Variants in PSG5 observed in about 807,000 individuals in gnomAD.
PSG5 encodes the protein pregnancy-specific beta-1-glycoprotein 5.
A neutral mutation model predicts 37.7 loss-of-function variants in PSG5; 53 were observed. The ratio of observed to expected loss-of-function variants is 1.41; its 90% CI spans 1.13 to 1.77. The LOEUF (loss-of-function observed/expected upper bound fraction) is 1.77, where lower values mean the gene tolerates loss of function less well. Ranked by LOEUF, PSG5 falls within the 40% of genes most tolerant of loss-of-function variation. The pLI is 0.00. For synonymous variants in PSG5, 221 were observed against 155.4 expected (o/e 1.42, Z -3.14); for missense variants, 547 against 405.2 (o/e 1.35, Z -3.00).
chr19:43,184,649 A>C, intron 2 of PSG5, 133 bp downstream of exon 2: 1 of 1,527,094 alleles, frequency 6.5e-7, no homozygotes, highest in Admixed American at 1.7e-5. Context: ...GTCCTGCACT[A>C]AATGCCCAAA....
intron 4 of PSG5, 106 bp from the exon 5 acceptor site, chr19:43,170,244 A>G: frequency 1.9e-6 from 2 of 1,053,102 alleles, no homozygotes; most frequent in East Asian, 3.2e-5. Flanking sequence ...TTGTTTCTTC[A>G]AGTACTACAT....
intron 3 of PSG5, 189 bp downstream of exon 3, chr19:43,175,681 C>G (rs1487161924): frequency 7.1e-7 from 1 of 1,399,772 alleles, no homozygotes; most frequent in African/African-American, 1.5e-5. Flanking sequence ...CAAGAGCGCC[C>G]CCTCCCCTTA....
At chr19:43,177,015 G>A (rs1029103938) in intron 2 of PSG5, among the ~76,000 whole-genome samples, 1 of 151,734 alleles carries the variant, frequency 6.6e-6, no homozygotes, top group Non-Finnish European at 1.5e-5. Flanking sequence ...CTGGAAATCT[G>A]GTCCTCATGG....
At chr19:43,168,820 CT>C (rs1055876185) in intron 5 of PSG5, among the ~76,000 whole-genome samples, 1 of 151,542 alleles carries the variant, frequency 6.6e-6, no homozygotes, top group African/African-American at 2.4e-5. Flanking sequence ...AAGAGGATTA[CT>C]GAGTTCTTGG....
intron 2 of PSG5, among the ~76,000 whole-genome samples, chr19:43,183,716 A>G (rs1349898183): frequency 6.6e-6 from 1 of 151,344 alleles, no homozygotes. Flanking sequence ...AGAGGATTTG[A>G]GCCAATAAAT....
intron 3 of PSG5, 46 bp from the exon 4 acceptor site, chr19:43,175,515 G>C (rs1968989946): frequency 6.4e-7 from 1 of 1,569,658 alleles, no homozygotes. Flanking sequence ...TCCAAGGGAA[G>C]GGGATGCTCC....
chr19:43,183,190 G>A (rs1363693526), intron 2 of PSG5: 4 of 327,760 alleles, frequency 1.2e-5, no homozygotes, highest in East Asian at 9.0e-5. Context: ...CAGTTCCACA[G>A]TCCAGGACAA....
chr19:43,177,497 T>C (rs1172762734), intron 2 of PSG5, among the ~76,000 whole-genome samples: 1 of 150,984 alleles, frequency 6.6e-6, no homozygotes, highest in Non-Finnish European at 1.5e-5. Context: ...AAGCCAAATA[T>C]ATTCCTGCCC....
intron 5 of PSG5, 144 bp from the exon 6 acceptor site, chr19:43,168,347 A>G (rs1968830756): frequency 3.7e-6 from 1 of 273,144 alleles, no homozygotes; most frequent in African/African-American, 2.2e-5. Flanking sequence ...GAAATTTCAT[A>G]TAATTTTTAG....
rs141204241 is a variant in PSG5 at position 43,172,990 on chromosome 19, C to T, written c.964+2225G>A. On this transcript the variant is annotated intron_variant, in intron 4 of 5. Coordinates refer to ENST00000342951, the MANE Select transcript of PSG5 (RefSeq NM_002781.4). Reference sequence around the variant, plus strand: ...TGATTTCAGCATTTACTACAAAGCCCTAGTAATCAATACAGTGTGGTACTG... The same window carrying T: ...TGATTTCAGCATTTACTACAAAGCCTTAGTAATCAATACAGTGTGGTACTG... Among the ~76,000 whole-genome samples the T allele has an allele frequency of 3.7e-3, 565 of 151,746 alleles. 13 individuals are homozygous for T. Among genetic ancestry groups the T allele is most frequent in the African/African-American group, 0.012 (515 of 41,288 alleles).
At position 43,175,375 on chromosome 19, in the gene PSG5, C is replaced by G. The variant is rs749545445; in HGVS notation, c.804G>C (p.Pro268=). 6.2e-7 allele frequency: 1 copy of G among 1,612,704 alleles called. No homozygotes were observed. Among genetic ancestry groups the G allele is most frequent in the African/African-American group, 1.3e-5 (1 of 74,576 alleles). ...YLSCFAESNP[P]AEYFWTINGK... is the part of the protein sequence containing the mutation. ...CATTAATTGTCCAAAAATACTCTGC[C>G]GGTGGGTTAGATTCCGCGAAGCAGG... The change falls in exon 4 of 6, where the codon CCG becomes CCC. Residue 268 remains proline, a synonymous_variant. Coordinates refer to ENST00000342951, the MANE Select transcript of PSG5 (RefSeq NM_002781.4).
intron 5 of PSG5, 116 bp from the exon 6 acceptor site, chr19:43,168,319 T>C (rs1414280077): frequency 3.2e-6 from 1 of 315,504 alleles, no homozygotes. Context: ...GACACTATGG[T>C]AACATATTTG....
intron 2 of PSG5, among the ~76,000 whole-genome samples, chr19:43,183,957 C>G (rs1969187691): frequency 6.6e-6 from 1 of 151,586 alleles, no homozygotes; most frequent in Non-Finnish European, 1.5e-5. Context: ...ATTCAGTCAC[C>G]TGACCTAATG....
Position 43,176,163 on chromosome 19 carries a change from G to A in PSG5, c.431-15C>T. ...GGGCAGCTTCACTGTGTGGATAACA[G>A]AGAGAAGATTGTCCTGTGTGGCACC... On this transcript the variant is annotated splice_polypyrimidine_tract_variant and intron_variant, in intron 2 of 5. Coordinates refer to ENST00000342951, the MANE Select transcript of PSG5 (RefSeq NM_002781.4). The A allele has an allele frequency of 6.2e-7, 1 of 1,610,440 alleles. No individual in the cohort carries two copies. Among genetic ancestry groups the A allele is most frequent in the Non-Finnish European group, 8.5e-7 (1 of 1,178,448 alleles).
At position 43,184,978 on chromosome 19, in the gene PSG5, G is replaced by A. The variant is rs758344957; in HGVS notation, c.234C>T (p.Tyr78=). Residue 78 remains tyrosine (Y), a synonymous_variant, in exon 2 of 6, where the codon TAC becomes TAT. Coordinates refer to ENST00000342951, the MANE Select transcript of PSG5 (RefSeq NM_002781.4). ...YKGQLMDLYH[Y]ITSYVVDGQI... is the part of the protein sequence containing the mutation. The stretch of plus-strand genomic sequence containing the variant: ...GACCGTCTACTACATATGATGTAAT[G>A]TAATGGTAGAGGTCCATCAGTTGTC... 3.1e-6 allele frequency: 5 copies of A among 1,612,492 alleles called. No individual in the cohort carries two copies. The highest frequency in any genetic ancestry group is 2.2e-5 in the East Asian group (1 of 44,862).
At chr19:43,180,595 C>T (rs1423588353) in intron 2 of PSG5, 1 of 151,360 alleles carries the variant, frequency 6.6e-6, no homozygotes, top group Non-Finnish European at 1.5e-5. Flanking sequence ...TATGTTCTGA[C>T]TCTAGTAACA....
rs957626389 is a variant in PSG5, at chr19:43,177,164, T to C, written c.431-1016A>G. Among the ~76,000 whole-genome samples the C allele has an allele frequency of 4.6e-5, 7 of 151,692 alleles. No individual in the cohort carries two copies. In the South Asian group the frequency reaches 8.3e-4, roughly 18 times the overall value. ...ATGTAAGTGGATTCCAGAGTGAATA[T>C]GAGAAGAGACTGCTGTTTGCCAGGA... is the stretch of plus-strand genomic sequence containing the variant. On this transcript the variant is annotated intron_variant, in intron 2 of 5. Transcript: ENST00000342951.
intron 4 of PSG5, among the ~76,000 whole-genome samples, chr19:43,172,506 C>T (rs550844618): frequency 1.6e-4 from 24 of 151,494 alleles, no homozygotes; most frequent in Non-Finnish European, 2.5e-4. Context: ...TGGAACAAAC[C>T]AATTAAAATT....
rs903281365 is a variant in PSG5, at chr19:43,181,012, G to A, written c.430+3770C>T. On this transcript the variant is annotated intron_variant, in intron 2 of 5. Transcript: ENST00000342951. ...TTTCTTCATTTTCTCTTAAGCTCACGAAACACCACTAAAGTTTAAGTTTGT... is the reference window on the plus strand; with the variant it reads ...TTTCTTCATTTTCTCTTAAGCTCACAAAACACCACTAAAGTTTAAGTTTGT... Among the ~76,000 whole-genome samples, 12 of 151,676 alleles carry A rather than the reference G, an allele frequency of 7.9e-5. 1 individual carries two copies. Among genetic ancestry groups the A allele is most frequent in the Admixed American group, 3.3e-4 (5 of 15,186 alleles).
Sources: allele counts gnomAD v4.1 joint callset (sites outside exome capture counted in the v4.1 genomes callset), GRCh38; gene constraint gnomAD v4.1.1; transcripts MANE v1.5; gene names NCBI Gene and HGNC (gene_info 2026-07-23, HGNC 2026-07-21).